The following PAPPA2 variants were observed in gnomAD, a reference collection of about 807,000 sequenced individuals.
PAPPA2 encodes pappalysin-2.
Under a neutral mutation model 176.4 loss-of-function variants are expected in PAPPA2, and 86 were observed. The observed-to-expected ratio is 0.49, with a 90% CI of 0.41 to 0.58. The LOEUF (loss-of-function observed/expected upper bound fraction) is 0.58. Among genes scored for constraint, PAPPA2 ranks in the 20% least tolerant of loss-of-function variants. The pLI, the probability that PAPPA2 is intolerant of heterozygous loss-of-function variation, is 0.00. For synonymous variants in PAPPA2, 809 were observed against 852.2 expected, an observed-to-expected ratio of 0.95 and a Z score of 0.88; for missense variants, 2,073 against 2,256.9, an observed-to-expected ratio of 0.92 and a Z score of 1.65.
At chr1:176,573,794 T>C (rs762199265) in intron 2 of PAPPA2, among the ~76,000 whole-genome samples, 1 of 152,144 alleles carries the variant, frequency 6.6e-6, no homozygotes, top group Non-Finnish European at 1.5e-5. Flanking sequence ...CTCTTGATTC[T>C]TCCTGATCCC....
chr1:176,606,589 C>T (rs983023011), intron 3 of PAPPA2, among the ~76,000 whole-genome samples: 20 of 152,124 alleles, frequency 1.3e-4, no homozygotes, highest in Admixed American at 5.2e-4. Context: ...CTCAGCCTCC[C>T]GAGTGGCTGG....
chr1:176,623,758 CCTTTCTTTCTTTCTTT>C (rs71129580), intron 3 of PAPPA2, among the ~76,000 whole-genome samples: 14 of 59,064 alleles, frequency 2.4e-4, no homozygotes, highest in Non-Finnish European at 3.5e-4. Flanking sequence ...TTCCTTCCTT[CCTTTCTTTCTTTCTTT>C]CTTTCTTTCT....
At chr1:176,723,401 G>A (rs566509512) in intron 12 of PAPPA2, among the ~76,000 whole-genome samples, 1 of 152,054 alleles carries the variant, frequency 6.6e-6, no homozygotes, top group East Asian at 1.9e-4. Flanking sequence ...TATAAGACCT[G>A]TTAAGAAAAT....
intron 3 of PAPPA2, among the ~76,000 whole-genome samples, chr1:176,655,951 C>G (rs1027611097): frequency 6.6e-5 from 10 of 151,774 alleles, no homozygotes; most frequent in Admixed American, 2.0e-4. Flanking sequence ...AGAAAACATC[C>G]CTTCCATCAC....
At chr1:176,593,082 AGTT>A (rs915244817) in intron 2 of PAPPA2, among the ~76,000 whole-genome samples, 5 of 152,218 alleles carry the variant, frequency 3.3e-5, no homozygotes, top group African/African-American at 1.2e-4. Flanking sequence ...TTCAAAGTAT[AGTT>A]GTTAGAATTA....
chr1:176,674,161 G>T (rs1215200331), intron 4 of PAPPA2, among the ~76,000 whole-genome samples: 2 of 152,108 alleles, frequency 1.3e-5, no homozygotes, highest in East Asian at 3.9e-4. Flanking sequence ...ATTGGGAGTT[G>T]AGGCCTTGTC....
At chr1:176,818,077 T>G (rs1666479669) in intron 21 of PAPPA2, among the ~76,000 whole-genome samples, 1 of 151,964 alleles carries the variant, frequency 6.6e-6, no homozygotes, top group Non-Finnish European at 1.5e-5. Context: ...GGAAACCCAT[T>G]TAAGAAGGGA....
chr1:176,507,148 C>T (rs917155103), intron 1 of PAPPA2, among the ~76,000 whole-genome samples: 1 of 151,712 alleles, frequency 6.6e-6, no homozygotes, highest in Admixed American at 6.6e-5. Context: ...GACACTGCTC[C>T]AAAGAAGACA....
chr1:176,751,105 C>T (rs1663153816), intron 14 of PAPPA2, among the ~76,000 whole-genome samples: 1 of 151,750 alleles, frequency 6.6e-6, no homozygotes, highest in Non-Finnish European at 1.5e-5. Flanking sequence ...GGAATCCTTT[C>T]CCCATTGCTT....
In PAPPA2 at chr1:176,556,431, A is replaced by G. The variant is rs774190939; in HGVS notation, c.109A>G (p.Arg37Gly). Residue 37 changes from arginine (R) to glycine (G), a missense_variant, in exon 2 of 23, where the codon AGG becomes GGG. By Grantham distance (125) the Arg-to-Gly change is moderately radical. Around this residue, in one of 4 missense-constraint regions of PAPPA2, gnomAD observed 1,196 missense variants for 1,330.4 expected, o/e 0.90. Transcript: ENST00000367662. ...GACACGCAAGAAATCCTTGGTTGAG[A>G]GGGAACACCTGAATCAGGTGCTGTT... ...GWTRKKSLVE[R>G]EHLNQVLLEG... 1.1e-5 allele frequency: 18 copies of G among 1,614,066 alleles called. No homozygotes were observed.
intron 1 of PAPPA2, among the ~76,000 whole-genome samples, chr1:176,545,415 AAAATAAATAAATAAAT>A (rs55993766): frequency 0.072 from 10,535 of 146,288 alleles, 545 homozygotes; most frequent in South Asian, 0.13. Context: ...AACCTCAGAA[AAAATAAATAAATAAAT>A]AAATAAATAA....
At chr1:176,648,067 A>C (rs1378813317) in intron 3 of PAPPA2, among the ~76,000 whole-genome samples, 2 of 151,538 alleles carry the variant, frequency 1.3e-5, no homozygotes, top group African/African-American at 2.4e-5. Flanking sequence ...CCAATCCATA[A>C]GCTTGAAATA....
intron 17 of PAPPA2, among the ~76,000 whole-genome samples, chr1:176,782,067 G>A (rs956526940): frequency 6.6e-6 from 1 of 152,150 alleles, no homozygotes; most frequent in African/African-American, 2.4e-5. Flanking sequence ...GTGAAGAGAG[G>A]TAATTTATCC....
intron 3 of PAPPA2, among the ~76,000 whole-genome samples, chr1:176,633,801 T>C (rs1194932690): frequency 1.3e-5 from 2 of 152,166 alleles, no homozygotes; most frequent in Non-Finnish European, 2.9e-5. Flanking sequence ...CAGACACTTC[T>C]CGAAAGAAGA....
chr1:176,716,810 A>G (rs2102843388), intron 12 of PAPPA2, among the ~76,000 whole-genome samples: 1 of 151,200 alleles, frequency 6.6e-6, no homozygotes, highest in East Asian at 2.0e-4. Flanking sequence ...ACGGGGTTTC[A>G]CCGTGTTAGC....
At position 176,590,763 on chromosome 1, in the gene PAPPA2, T is replaced by G. The variant is rs372902297; in HGVS notation, c.920-3761T>G. 2.6e-5 allele frequency among the ~76,000 whole-genome samples: 4 copies of G among 152,296 alleles called. No homozygotes were observed. The Middle Eastern group carries it at 0.01, about 389-fold the overall frequency. On this transcript the variant is annotated intron_variant, in intron 2 of 22. Coordinates refer to ENST00000367662, the MANE Select transcript of PAPPA2 (RefSeq NM_020318.3). The stretch of plus-strand genomic sequence containing the variant: ...AGCATGTAAGTGGTAGATTGTAGAA[T>G]GTAATTTCTGGCTGACTCATGCTTT...
chr1:176,586,202 TG>T (rs1409502850), intron 2 of PAPPA2, among the ~76,000 whole-genome samples: 6 of 152,228 alleles, frequency 3.9e-5, no homozygotes, highest in African/African-American at 1.2e-4. Context: ...TTGTGTGTTT[TG>T]TTTTTTACTT....
chr1:176,660,129 C>G (rs1159469490), intron 3 of PAPPA2, among the ~76,000 whole-genome samples: 1 of 152,062 alleles, frequency 6.6e-6, no homozygotes, highest in Non-Finnish European at 1.5e-5. Context: ...GTTGTAATGT[C>G]CTTAAAGAAG....
intron 12 of PAPPA2, among the ~76,000 whole-genome samples, chr1:176,728,473 T>A (rs879431033): frequency 2.6e-5 from 4 of 151,708 alleles, no homozygotes; most frequent in African/African-American, 4.8e-5. Flanking sequence ...AAAAAGAAAT[T>A]TGAAATATCT....
Sources: allele counts gnomAD v4.1 joint callset (sites outside exome capture counted in the v4.1 genomes callset), GRCh38; gene constraint gnomAD v4.1.1; regional missense constraint gnomAD v4.1.1; transcripts MANE v1.5; gene names NCBI Gene and HGNC (gene_info 2026-07-23, HGNC 2026-07-21).